The following OSBPL6 variants were observed in gnomAD, a reference collection of about 807,000 sequenced individuals.
OSBPL6 encodes oxysterol binding protein like 6.
Under a neutral mutation model 125.8 loss-of-function variants are expected in OSBPL6, and 49 were observed. The ratio of observed to expected loss-of-function variants is 0.39; its 90% CI spans 0.31 to 0.49. The LOEUF (loss-of-function observed/expected upper bound fraction) is 0.49, where lower values mean the gene tolerates loss of function less well. OSBPL6 is among the 20% of genes least tolerant of loss of function. OSBPL6 has a pLI of 0.88. For missense variants in OSBPL6, 986 were observed against 1,135.4 expected, an observed-to-expected ratio of 0.87 and a Z score of 1.89; for synonymous variants, 394 against 391.8, an observed-to-expected ratio of 1.01 and a Z score of -0.07.
At chr2:178,288,773 C>A (rs1300843611) in intron 2 of OSBPL6, among the ~76,000 whole-genome samples, 1 of 151,796 alleles carries the variant, frequency 6.6e-6, no homozygotes, top group Non-Finnish European at 1.5e-5. Flanking sequence ...CTCAGCCTCC[C>A]AAGTAGTTGG....
intron 4 of OSBPL6, among the ~76,000 whole-genome samples, chr2:178,324,684 T>C (rs13382941): frequency 0.023 from 3,482 of 152,300 alleles, 151 homozygotes; most frequent in African/African-American, 0.08. Flanking sequence ...AAATCTATTA[T>C]CCCATTTAAT....
chr2:178,213,942 C>T (rs2089978935), intron 1 of OSBPL6, among the ~76,000 whole-genome samples: 1 of 152,174 alleles, frequency 6.6e-6, no homozygotes, highest in African/African-American at 2.4e-5. Flanking sequence ...CAAAAGCCCT[C>T]CCCAGTTGGT....
chr2:178,393,681 A>C (rs889484434), intron 23 of OSBPL6, among the ~76,000 whole-genome samples: 2 of 152,236 alleles, frequency 1.3e-5, no homozygotes, highest in African/African-American at 4.8e-5. Context: ...AAATGTAAGC[A>C]TTTGTAAGTC....
At chr2:178,220,021 G>C (rs2090267985) in intron 1 of OSBPL6, among the ~76,000 whole-genome samples, 1 of 152,176 alleles carries the variant, frequency 6.6e-6, no homozygotes, top group Non-Finnish European at 1.5e-5. Context: ...AAATAGGCTG[G>C]AGATATCGAC....
intron 9 of OSBPL6, among the ~76,000 whole-genome samples, chr2:178,337,315 A>G (rs1689776189): frequency 6.6e-6 from 1 of 152,126 alleles, no homozygotes; most frequent in Non-Finnish European, 1.5e-5. Flanking sequence ...GTTCTCACTT[A>G]AAAAAATTAA....
At chr2:178,205,628 A>G (rs1336894721) in intron 1 of OSBPL6, among the ~76,000 whole-genome samples, 2 of 152,228 alleles carry the variant, frequency 1.3e-5, no homozygotes, top group Non-Finnish European at 2.9e-5. Context: ...TCTTTTCAGC[A>G]AAAACACTGT....
chr2:178,352,856 T>C (rs1018772179), intron 12 of OSBPL6, among the ~76,000 whole-genome samples: 2 of 151,976 alleles, frequency 1.3e-5, no homozygotes, highest in Non-Finnish European at 2.9e-5. Flanking sequence ...AGACACATCA[T>C]ATAGGTGGGT....
chr2:178,381,415 A>G (rs111373815), intron 15 of OSBPL6, among the ~76,000 whole-genome samples: 12,220 of 152,056 alleles, frequency 0.08, 966 homozygotes, highest in African/African-American at 0.2. Flanking sequence ...GTGCAATGTC[A>G]CGATCTCAGC....
chr2:178,355,135 G>A (rs1405621891), intron 12 of OSBPL6, among the ~76,000 whole-genome samples: 2 of 152,096 alleles, frequency 1.3e-5, no homozygotes, highest in Non-Finnish European at 2.9e-5. Flanking sequence ...GAGAAAGCAG[G>A]AAGATCCAAA....
chr2:178,379,292 GAAA>G (rs2154111566), intron 15 of OSBPL6, among the ~76,000 whole-genome samples: 1 of 118,840 alleles, frequency 8.4e-6, no homozygotes, highest in Non-Finnish European at 1.7e-5. Context: ...AGAAAAGAAA[GAAA>G]GAAGAAAGAA....
intron 12 of OSBPL6, among the ~76,000 whole-genome samples, chr2:178,351,678 C>T (rs929935822): frequency 5.9e-5 from 9 of 152,186 alleles, no homozygotes; most frequent in Non-Finnish European, 5.9e-5. Context: ...AACAAGATCA[C>T]GTGTTTTGCA....
At chr2:178,257,195 T>C (rs1390309907) in intron 1 of OSBPL6, among the ~76,000 whole-genome samples, 2 of 152,226 alleles carry the variant, frequency 1.3e-5, no homozygotes, top group Non-Finnish European at 2.9e-5. Context: ...CAGTGAGTTT[T>C]ATAATGGTTG....
intron 3 of OSBPL6, among the ~76,000 whole-genome samples, chr2:178,310,412 CTTTTTTT>C (rs71023440): frequency 2.1e-4 from 18 of 85,690 alleles, no homozygotes; most frequent in African/African-American, 7.6e-4. Flanking sequence ...AAACTGAACT[CTTTTTTT>C]TTTTTTTTTT....
At chr2:178,279,666 A>ATGCACACACGCG (rs1389355571) in intron 1 of OSBPL6, among the ~76,000 whole-genome samples, 1 of 152,208 alleles carries the variant, frequency 6.6e-6, no homozygotes, top group Non-Finnish European at 1.5e-5. Context: ...ACGCGTGTGC[A>ATGCACACACGCG]TGCACACACA....
At chr2:178,303,939 G>A (rs1317325881) in intron 2 of OSBPL6, among the ~76,000 whole-genome samples, 1 of 151,950 alleles carries the variant, frequency 6.6e-6, no homozygotes, top group Non-Finnish European at 1.5e-5. Context: ...ACACAAATCT[G>A]GTTACGTCTC....
intron 1 of OSBPL6, among the ~76,000 whole-genome samples, chr2:178,249,389 A>T (rs2091605630): frequency 6.6e-6 from 1 of 152,124 alleles, no homozygotes; most frequent in South Asian, 2.1e-4. Context: ...CTTTACAGGG[A>T]TGTACCACAC....
At position 178,361,793 on chromosome 2, in the gene OSBPL6, G is replaced by A. The variant is rs774511530; in HGVS notation, c.1265G>A (p.Arg422Gln). ...AAAGGCCACAGCACGCAGATGGCAC[G>A]GCTCCGACAGTCACTGTCTCAGGTA... ...HSKGHSTQMA[R>Q]LRQSLSQALN... is the part of the protein sequence containing the mutation. The change falls in exon 13 of 25, where the codon CGG becomes CAG. Residue 422 changes from arginine to glutamine, a missense_variant. This residue lies in a region of OSBPL6 where 843 missense variants were observed against 997.3 expected (regional missense o/e 0.85). Transcript: ENST00000190611. The A allele has an allele frequency of 1.5e-5, 24 of 1,614,112 alleles. No homozygotes were observed. The highest frequency in any genetic ancestry group is 8.3e-5 in the Admixed American group (5 of 60,012).
chr2:178,381,184 CT>C (rs1694443153), intron 15 of OSBPL6, among the ~76,000 whole-genome samples: 1 of 152,158 alleles, frequency 6.6e-6, no homozygotes, highest in Non-Finnish European at 1.5e-5. Flanking sequence ...TCTATCTTAT[CT>C]TCTCTTTCCT....
intron 15 of OSBPL6, among the ~76,000 whole-genome samples, chr2:178,377,202 T>C (rs1693956167): frequency 6.6e-6 from 1 of 152,224 alleles, no homozygotes; most frequent in South Asian, 2.1e-4. Context: ...GATGCTGGCA[T>C]CTGCTTAGCT....
Sources: allele counts gnomAD v4.1 joint callset (sites outside exome capture counted in the v4.1 genomes callset), GRCh38; gene constraint gnomAD v4.1.1; regional missense constraint gnomAD v4.1.1; transcripts MANE v1.5; gene names NCBI Gene and HGNC (gene_info 2026-07-23, HGNC 2026-07-21).